Variants in ADAMTSL1 observed in about 807,000 individuals in gnomAD.
ADAMTSL1 encodes the protein ADAMTS-like protein 1.
ADAMTSL1 carries 126 observed loss-of-function variants against 201.8 expected under a neutral mutation model. That is an observed-to-expected ratio of 0.62 (90% confidence interval 0.54 to 0.72). The LOEUF (loss-of-function observed/expected upper bound fraction) is 0.72, where lower values mean the gene tolerates loss of function less well. Among genes scored for constraint, ADAMTSL1 ranks in the 30% least tolerant of loss-of-function variants. ADAMTSL1 has a pLI of 0.00. For synonymous variants in ADAMTSL1, 1,121 were observed against 903.4 expected, an observed-to-expected ratio of 1.24 and a Z score of -4.32; for missense variants, 2,679 against 2,277.8, an observed-to-expected ratio of 1.18 and a Z score of -3.59.
At chr9:17,949,478 C>G (rs1049962767) in intron 1 of ADAMTSL1, among the ~76,000 whole-genome samples, 10 of 151,976 alleles carry the variant, frequency 6.6e-5, no homozygotes, top group Non-Finnish European at 1.5e-4. Flanking sequence ...AGGAAAGATG[C>G]CCTAAGGCCC....
intron 2 of ADAMTSL1, among the ~76,000 whole-genome samples, chr9:18,342,935 G>A (rs1478199494): frequency 2.0e-5 from 3 of 152,066 alleles, no homozygotes. Context: ...CTGGTGCTCG[G>A]ATGACAAGAT....
In ADAMTSL1 at chr9:17,959,230, G is replaced by A. The variant is rs376446840; in HGVS notation, c.87+52308G>A. On this transcript the variant is annotated intron_variant, in intron 1 of 29. Transcript: ENST00000680146. ...CTAGAATTTGGCTGAACAGCATTTA[G>A]ATGTTATTTGATTAATGTCATTTGT... Among the ~76,000 whole-genome samples, 5 of 152,212 alleles carry A rather than the reference G, an allele frequency of 3.3e-5. 1 individual carries two copies. The highest frequency in any genetic ancestry group is 3.9e-4 in the East Asian group (2 of 5,162).
chr9:18,774,749 G>T (rs559870910), intron 17 of ADAMTSL1, among the ~76,000 whole-genome samples: 158 of 152,206 alleles, frequency 1.0e-3, no homozygotes, highest in African/African-American at 3.7e-3. Flanking sequence ...ATATTCCACT[G>T]TATAGATATG....
chr9:18,776,172 G>A (rs1157287785), intron 18 of ADAMTSL1, among the ~76,000 whole-genome samples: 1 of 152,082 alleles, frequency 6.6e-6, no homozygotes, highest in Non-Finnish European at 1.5e-5. Context: ...GAAGCTGGAG[G>A]CAGTGTATTA....
intron 1 of ADAMTSL1, among the ~76,000 whole-genome samples, chr9:18,125,885 A>G (rs889007101): frequency 6.6e-6 from 1 of 152,198 alleles, no homozygotes; most frequent in Non-Finnish European, 1.5e-5. Flanking sequence ...CAGTATGCTG[A>G]GAAAGGGCAG....
intron 28 of ADAMTSL1, 108 bp downstream of exon 28, chr9:18,907,020 C>A: frequency 7.7e-7 from 1 of 1,302,594 alleles, no homozygotes; most frequent in Non-Finnish European, 1.1e-6. Flanking sequence ...TCAGCTTCCC[C>A]AGGGATTGTG....
At chr9:18,638,693 A>C (rs893632802) in intron 6 of ADAMTSL1, among the ~76,000 whole-genome samples, 12 of 152,152 alleles carry the variant, frequency 7.9e-5, no homozygotes, top group African/African-American at 2.7e-4. Context: ...TTTTAAAAAG[A>C]AAATACTGAA....
intron 2 of ADAMTSL1, among the ~76,000 whole-genome samples, chr9:18,183,364 T>C (rs1828586440): frequency 6.6e-6 from 1 of 152,154 alleles, no homozygotes; most frequent in Admixed American, 6.5e-5. Flanking sequence ...ATTCACGAAA[T>C]AATTGATAAT....
At chr9:18,604,054 T>A (rs951435741) in intron 4 of ADAMTSL1, among the ~76,000 whole-genome samples, 1 of 152,246 alleles carries the variant, frequency 6.6e-6, no homozygotes, top group Non-Finnish European at 1.5e-5. Context: ...TCCTTACTGC[T>A]GTGTCCTGCA....
Position 18,782,843 on chromosome 9 carries a change from A to C in ADAMTSL1, c.3677+4937A>C, listed in dbSNP as rs144922272. On this transcript the variant is annotated intron_variant, in intron 19 of 28. Coordinates refer to ENST00000380548, the MANE Select transcript of ADAMTSL1 (RefSeq NM_001040272.6). ...GGCAGTGCGAAAACCCTAAAGCGACAATGACTTTGTGTTGAAAGAACTCAA... is the reference window on the plus strand; with the variant it reads ...GGCAGTGCGAAAACCCTAAAGCGACCATGACTTTGTGTTGAAAGAACTCAA... Among the ~76,000 whole-genome samples, 8 of 152,334 alleles carry C rather than the reference A, an allele frequency of 5.3e-5. No homozygotes were observed. The East Asian group carries it at 1.5e-3, about 29-fold the overall frequency.
intron 1 of ADAMTSL1, among the ~76,000 whole-genome samples, chr9:17,986,109 C>T (rs1818917552): frequency 6.6e-6 from 1 of 152,090 alleles, no homozygotes; most frequent in Non-Finnish European, 1.5e-5. Context: ...TATTTGCACA[C>T]AGATTTAATT....
At chr9:18,058,056 A>C (rs990738719) in intron 1 of ADAMTSL1, among the ~76,000 whole-genome samples, 2 of 152,234 alleles carry the variant, frequency 1.3e-5, no homozygotes, top group Non-Finnish European at 2.9e-5. Context: ...CACCTAGTAC[A>C]TAGGAGTATC....
At chr9:18,268,370 T>C (rs1004778995) in intron 2 of ADAMTSL1, among the ~76,000 whole-genome samples, 3 of 152,164 alleles carry the variant, frequency 2.0e-5, no homozygotes, top group East Asian at 3.8e-4. Flanking sequence ...CTTTATTTGG[T>C]TTATCAGTTT....
At chr9:17,972,442 C>G (rs1818247282) in intron 1 of ADAMTSL1, among the ~76,000 whole-genome samples, 1 of 151,328 alleles carries the variant, frequency 6.6e-6, no homozygotes. Flanking sequence ...CGATAGTTTG[C>G]TGAGAATGAT....
chr9:18,753,363 T>C lies in ADAMTSL1; in HGVS notation c.2072T>C (p.Val691Ala). 1 of 1,612,530 alleles carries C rather than the reference T, an allele frequency of 6.2e-7. No individual in the cohort carries two copies. Among genetic ancestry groups the C allele is most frequent in the Non-Finnish European group, 8.5e-7 (1 of 1,179,386 alleles). The change falls in exon 16 of 29, where the codon GTC becomes GCC. Residue 691 changes from valine to alanine, a missense_variant. Val to Ala is a moderately conservative substitution (Grantham distance 64). Transcript: ENST00000380548. ...GGGGTCGGCCTACAGACCAGAGACGTCTTCTGCAGCCACCTGCTTTCCAGA... is the reference window on the plus strand; with the variant it reads ...GGGGTCGGCCTACAGACCAGAGACGCCTTCTGCAGCCACCTGCTTTCCAGA... The part of the protein sequence containing the change: ...TCGVGLQTRD[V>A]FCSHLLSREM...
intron 2 of ADAMTSL1, among the ~76,000 whole-genome samples, chr9:18,287,373 AC>A (rs1189357299): frequency 6.6e-6 from 1 of 151,940 alleles, no homozygotes; most frequent in Non-Finnish European, 1.5e-5. Context: ...ATACACACAT[AC>A]ATGTATATAT....
intron 2 of ADAMTSL1, among the ~76,000 whole-genome samples, chr9:18,515,837 C>G (rs1346043355): frequency 6.6e-6 from 1 of 152,078 alleles, no homozygotes; most frequent in Non-Finnish European, 1.5e-5. Flanking sequence ...ATTAAATGAA[C>G]TAAGTGATTT....
chr9:18,734,573 A>C (rs536977831), intron 15 of ADAMTSL1, among the ~76,000 whole-genome samples: 3 of 152,312 alleles, frequency 2.0e-5, no homozygotes, highest in African/African-American at 7.2e-5. Context: ...CTAACAGCTT[A>C]TTAGGAAACC....
intron 23 of ADAMTSL1, among the ~76,000 whole-genome samples, chr9:18,847,489 G>A (rs1826200779): frequency 6.6e-6 from 1 of 152,230 alleles, no homozygotes; most frequent in South Asian, 2.1e-4. Context: ...TATGGTAGAA[G>A]TAATAAGTGC....
Sources: gnomAD v4.1 joint callset for allele counts (sites outside exome capture counted in the v4.1 genomes callset) on GRCh38, gnomAD v4.1.1 for gene constraint, MANE v1.5 for transcripts, NCBI Gene and HGNC (gene_info 2026-07-23, HGNC 2026-07-21) for gene names.